COX4I2: variants seen among roughly 807,000 people sequenced by gnomAD.
The protein encoded by COX4I2 is cytochrome c oxidase subunit 4I2, also known as cytochrome c oxidase subunit 4 isoform 2, mitochondrial.
In COX4I2, 15 loss-of-function variants were observed where a neutral mutation model predicts 20.8. That is an observed-to-expected ratio of 0.72 (90% CI 0.48 to 1.11). The LOEUF (loss-of-function observed/expected upper bound fraction) is 1.11, where lower values mean the gene tolerates loss of function less well. Among genes scored for constraint, COX4I2 ranks in the 50% most tolerant of loss-of-function variants. The pLI, the probability that COX4I2 is intolerant of heterozygous loss-of-function variation, is 0.00. For missense variants in COX4I2, 224 were observed against 223.0 expected, an observed-to-expected ratio of 1.00 and a Z score of -0.03; for synonymous variants, 80 against 78.1, an observed-to-expected ratio of 1.02 and a Z score of -0.13.
At chr20:31,640,625 C>T (rs1399762770) in intron 3 of COX4I2, among the ~76,000 whole-genome samples, 1 of 151,990 alleles carries the variant, frequency 6.6e-6, no homozygotes, top group South Asian at 2.1e-4. Context: ...GGGGAGGAGC[C>T]CTCTGACCCT....
intron 4 of COX4I2, among the ~76,000 whole-genome samples, chr20:31,644,081 G>A (rs185039153): frequency 4.3e-4 from 66 of 152,290 alleles, no homozygotes; most frequent in Non-Finnish European, 7.6e-4. Flanking sequence ...AAAGTGCTGG[G>A]ATTACAGGCA....
chr20:31,644,871 C>G lies in COX4I2; in HGVS notation c.483C>G (p.Arg161=). 6.2e-7 allele frequency: 1 copy of G among 1,614,104 alleles called. No homozygotes were observed. The highest frequency in any genetic ancestry group is 1.1e-5 in the South Asian group (1 of 91,080). ...ATCCTGTGCAGGGCCTGGCCTCCCGCTGGGACTATGAGAAGAAGCAGTGGA... is the reference window on the plus strand; with the variant it reads ...ATCCTGTGCAGGGCCTGGCCTCCCGGTGGGACTATGAGAAGAAGCAGTGGA... The part of the protein sequence containing the change: ...KVNPVQGLAS[R]WDYEKKQWKK The change falls in exon 5 of 5, where the codon CGC becomes CGG. Residue 161 remains arginine, a synonymous_variant. Coordinates refer to ENST00000376075, the MANE Select transcript of COX4I2 (RefSeq NM_032609.3).
At chr20:31,639,558 C>CTTTTTTTTTTT (rs770616004) in intron 2 of COX4I2, among the ~76,000 whole-genome samples, 9 of 133,104 alleles carry the variant, frequency 6.8e-5, no homozygotes, top group African/African-American at 1.2e-4. Flanking sequence ...TATAAACCTC[C>CTTTTTTTTTTT]TTTTTTTTTT....
At chr20:31,638,333 T>G (rs1451160976) in intron 1 of COX4I2, among the ~76,000 whole-genome samples, 1 of 151,644 alleles carries the variant, frequency 6.6e-6, no homozygotes, top group Non-Finnish European at 1.5e-5. Flanking sequence ...GGACTCCCCT[T>G]CTTTTCCCCA....
At chr20:31,642,613 T>G (rs1381316307) in intron 3 of COX4I2, among the ~76,000 whole-genome samples, 1 of 151,956 alleles carries the variant, frequency 6.6e-6, no homozygotes, top group Non-Finnish European at 1.5e-5. Context: ...CTAATTTTTG[T>G]ATTTTTAGTA....
intron 3 of COX4I2, 26 bp from the exon 4 acceptor site, chr20:31,643,378 C>T (rs369068004): frequency 3.2e-5 from 51 of 1,613,560 alleles, no homozygotes; most frequent in Non-Finnish European, 4.0e-5. Context: ...ACCTGAGGCC[C>T]CTTCCCCACA....
intron 2 of COX4I2, 197 bp downstream of exon 2, chr20:31,639,296 T>C (rs2060453162): frequency 1.0e-6 from 1 of 985,040 alleles, no homozygotes; most frequent in African/African-American, 1.7e-5. Context: ...CAGACAGTGG[T>C]CATCTCCATT....
chr20:31,640,451 T>C (rs2060461647), intron 3 of COX4I2, among the ~76,000 whole-genome samples: 1 of 152,040 alleles, frequency 6.6e-6, no homozygotes, highest in African/African-American at 2.4e-5. Context: ...TTGGTGGACC[T>C]CCCAGAGGAG....
chr20:31,644,529 G>A (rs1382038988), intron 4 of COX4I2, among the ~76,000 whole-genome samples: 1 of 152,178 alleles, frequency 6.6e-6, no homozygotes, highest in Non-Finnish European at 1.5e-5. Flanking sequence ...CACAGTCCTT[G>A]GGGTCTAAGG....
chr20:31,643,579 C>A, intron 4 of COX4I2, 44 bp downstream of exon 4: 1 of 1,612,184 alleles, frequency 6.2e-7, no homozygotes. Context: ...GGGCCATGCC[C>A]TTGTGGTCAC....
Position 31,639,998 on chromosome 20 carries a change from G to A in COX4I2, c.148G>A (p.Glu50Lys). ...CYAQRYYPMP[E>K]EPFCTELNAE... is the part of the protein sequence containing the mutation. ...TGCCCAGCGCTACTACCCCATGCCA[G>A]AAGAGCCCTTCTGCACAGAACTCAA... Residue 50 changes from glutamate to lysine, a missense_variant, in exon 3 of 5, where the codon GAA (glutamate) becomes AAA (lysine). Glu to Lys is a moderately conservative substitution (Grantham distance 56). Coordinates refer to ENST00000376075, the MANE Select transcript of COX4I2 (RefSeq NM_032609.3). 1 of 1,614,084 alleles carries A rather than the reference G, an allele frequency of 6.2e-7. No individual in the cohort carries two copies. The highest frequency in any genetic ancestry group is 2.2e-5 in the East Asian group (1 of 44,876).
intron 4 of COX4I2, among the ~76,000 whole-genome samples, chr20:31,644,240 T>A (rs2060483773): frequency 6.6e-6 from 1 of 152,192 alleles, no homozygotes; most frequent in South Asian, 2.1e-4. Context: ...AATTATATAA[T>A]TATAGTAGGT....
At position 31,644,022 on chromosome 20, in the gene COX4I2, G is replaced by A. The variant is rs971999297; in HGVS notation, c.379+487G>A. On this transcript the variant is annotated intron_variant, in intron 4 of 4. Coordinates refer to ENST00000376075, the MANE Select transcript of COX4I2 (RefSeq NM_032609.3). ...GACAGGGTTTCGCCATGTTGGCCAG[G>A]CTGGTCTCAAACTCCTGACCTCAAG... 5.3e-5 allele frequency among the ~76,000 whole-genome samples: 8 copies of A among 152,262 alleles called. No individual in the cohort carries two copies. The South Asian group carries it at 8.3e-4, about 16-fold the overall frequency.
Position 31,639,061 on chromosome 20 carries a change from G to A in COX4I2, c.44G>A (p.Gly15Glu), listed in dbSNP as rs759815573. 6.2e-7 allele frequency: 1 copy of A among 1,612,808 alleles called. No individual in the cohort carries two copies. Among genetic ancestry groups the A allele is most frequent in the Non-Finnish European group, 8.5e-7 (1 of 1,179,590 alleles). ...TGGAGCTTGGTGCTGAGGAAAGGTG[G>A]AGGTGGAAGACGAGGGATGCACAGC... is the stretch of plus-strand genomic sequence containing the variant. ...AAWSLVLRKG[G>E]GGRRGMHSSE... is the part of the protein sequence containing the mutation. Residue 15 changes from glycine to glutamate, a missense_variant, in exon 2 of 5, where the codon GGA (glycine) becomes GAA (glutamate). Transcript: ENST00000376075.
At chr20:31,644,054 G>A (rs570333358) in intron 4 of COX4I2, among the ~76,000 whole-genome samples, 3 of 152,188 alleles carry the variant, frequency 2.0e-5, no homozygotes, top group South Asian at 2.1e-4. Context: ...CAAGTGATCC[G>A]CCTGCCTCGT....
chr20:31,643,341 G>GA, intron 3 of COX4I2, 63 bp from the exon 4 acceptor site: 8 of 1,603,806 alleles, frequency 5.0e-6, no homozygotes, highest in Non-Finnish European at 5.1e-6. Context: ...CAGGGAGGGG[G>GA]AAGCCGGGAT....
At chr20:31,641,378 AAAG>A (rs1397611915) in intron 3 of COX4I2, among the ~76,000 whole-genome samples, 1 of 151,774 alleles carries the variant, frequency 6.6e-6, no homozygotes, top group African/African-American at 2.4e-5. Flanking sequence ...AAAAAAAAAA[AAAG>A]AGAGAGAGAG....
intron 1 of COX4I2, 52 bp from the exon 2 acceptor site, chr20:31,638,966 G>C (rs1308683875): frequency 2.8e-5 from 44 of 1,551,956 alleles, no homozygotes; most frequent in Non-Finnish European, 8.8e-7. Context: ...CTGCGGTTTG[G>C]GGGCAGAGGG....
chr20:31,640,031 G>A lies in COX4I2; in HGVS notation c.181G>A (p.Glu61Lys). Residue 61 changes from glutamate (E) to lysine (K), a missense_variant, in exon 3 of 5, where the codon GAG becomes AAG. Coordinates refer to ENST00000376075, the MANE Select transcript of COX4I2 (RefSeq NM_032609.3). ...EPFCTELNAEEQALKEKEKGS... is the reference protein window; with the variant it reads ...EPFCTELNAEKQALKEKEKGS... ...CTTCTGCACAGAACTCAACGCTGAG[G>A]AGCAGGCCCTGAAGGAGAAGGAGAA... 6.2e-7 allele frequency: 1 copy of A among 1,613,978 alleles called. No homozygotes were observed. The highest frequency in any genetic ancestry group is 1.1e-5 in the South Asian group (1 of 91,086).
Sources: gnomAD v4.1 joint callset for allele counts (sites outside exome capture counted in the v4.1 genomes callset) on GRCh38, gnomAD v4.1.1 for gene constraint, MANE v1.5 for transcripts, NCBI Gene and HGNC (gene_info 2026-07-23, HGNC 2026-07-21) for gene names.